MYO5A: variants seen among roughly 807,000 people sequenced by gnomAD.
The protein encoded by MYO5A is unconventional myosin-Va.
Under a neutral mutation model 249.7 loss-of-function variants are expected in MYO5A, and 98 were observed. The ratio of observed to expected loss-of-function variants is 0.39; its 90% confidence interval spans 0.33 to 0.46. The LOEUF is 0.46. Ranked by LOEUF, MYO5A falls within the 20% of genes least tolerant of loss-of-function variation. The probability of loss-of-function intolerance (pLI) is 0.98; values close to 1 mark genes in which losing one functional copy is unlikely to be tolerated. For synonymous variants in MYO5A, 778 were observed against 810.6 expected, an observed-to-expected ratio of 0.96 and a Z score of 0.68; for missense variants, 1,696 against 2,308.8, an observed-to-expected ratio of 0.73 and a Z score of 5.44.
chr15:52,364,827 A>G (rs1168946264), intron 23 of MYO5A, 125 bp from the exon 24 acceptor site: 2 of 1,072,272 alleles, frequency 1.9e-6, no homozygotes, highest in Non-Finnish European at 2.7e-6. Context: ...GTGATCCATG[A>G]AGAGTGTCTT....
intron 29 of MYO5A, among the ~76,000 whole-genome samples, 199 bp downstream of exon 29, chr15:52,348,619 G>C (rs1229930440): frequency 6.6e-6 from 1 of 152,174 alleles, no homozygotes; most frequent in Non-Finnish European, 1.5e-5. Context: ...CTATAATCTA[G>C]ACTGGAGCCT....
At position 52,340,342 on chromosome 15, in the gene MYO5A, C is replaced by G. The variant is rs377031001; in HGVS notation, c.4093G>C (p.Glu1365Gln). The change falls in exon 32 of 42, where the codon GAG (glutamate) becomes CAG (glutamine). Residue 1365 changes from glutamate (E) to glutamine (Q), a missense_variant. Physicochemically the swap from Glu to Gln is conservative, Grantham distance 29. Coordinates refer to ENST00000399233, the MANE Select transcript of MYO5A (RefSeq NM_001382347.1). ...SQKRSHENEA[E>Q]ALRGEIQSLK... The stretch of plus-strand genomic sequence containing the variant: ...CTCTGGATCTCCCCACGGAGGGCCT[C>G]GGCCTCATTCTCATGGCTCCTCTTC... 8.7e-6 allele frequency: 14 copies of G among 1,613,872 alleles called. No homozygotes were observed. The highest frequency in any genetic ancestry group is 1.0e-5 in the Non-Finnish European group (12 of 1,180,032).
intron 4 of MYO5A, among the ~76,000 whole-genome samples, chr15:52,417,148 A>C (rs1015160253): frequency 1.3e-5 from 2 of 152,222 alleles, no homozygotes; most frequent in Non-Finnish European, 2.9e-5. Context: ...AGAAGATATC[A>C]AGCATTAAAT....
At chr15:52,315,507 T>C (rs1158433955) in intron 40 of MYO5A, among the ~76,000 whole-genome samples, 1 of 151,966 alleles carries the variant, frequency 6.6e-6, no homozygotes, top group Admixed American at 6.6e-5. Context: ...CCCAAGTAGC[T>C]GGGATTACAG....
At chr15:52,352,244 C>T (rs1464699000) in intron 27 of MYO5A, among the ~76,000 whole-genome samples, 1 of 152,196 alleles carries the variant, frequency 6.6e-6, no homozygotes, top group Non-Finnish European at 1.5e-5. Context: ...TCTGTTCAAA[C>T]AATGGCAACA....
At chr15:52,497,424 G>GGTAA (rs2077059884) in intron 1 of MYO5A, among the ~76,000 whole-genome samples, 1 of 147,344 alleles carries the variant, frequency 6.8e-6, no homozygotes, top group Admixed American at 6.8e-5. Context: ...TAAATAAATA[G>GGTAA]ATAAATAAAT....
chr15:52,428,278 T>A (rs1202965940), intron 3 of MYO5A, 120 bp downstream of exon 3: 2 of 1,014,994 alleles, frequency 2.0e-6, no homozygotes, highest in Non-Finnish European at 3.1e-6. Context: ...AACGCTCAAG[T>A]GATTTTGTCT....
intron 4 of MYO5A, among the ~76,000 whole-genome samples, chr15:52,419,622 C>T (rs1007081875): frequency 2.0e-5 from 3 of 152,076 alleles, no homozygotes; most frequent in Non-Finnish European, 4.4e-5. Context: ...CACTGTTGAA[C>T]GCTTTAGAGA....
chr15:52,392,082 A>C lies in MYO5A; in HGVS notation c.1402-12T>G. Reference sequence around the variant, plus strand: ...AATTTGAAGACATGCTGAAATGAAAAAGAAAAAAAGCAGTCATTACTGGAT... The same window carrying C: ...AATTTGAAGACATGCTGAAATGAAACAGAAAAAAAGCAGTCATTACTGGAT... On this transcript the variant is annotated splice_polypyrimidine_tract_variant and intron_variant, in intron 11 of 41. Transcript: ENST00000399233. 1 of 1,607,064 alleles carries C rather than the reference A, an allele frequency of 6.2e-7. No homozygotes were observed. Among genetic ancestry groups the C allele is most frequent in the South Asian group, 1.1e-5 (1 of 90,968 alleles).
At chr15:52,515,606 A>G (rs565773793) in intron 1 of MYO5A, among the ~76,000 whole-genome samples, 13 of 152,364 alleles carry the variant, frequency 8.5e-5, no homozygotes, top group African/African-American at 3.1e-4. Context: ...AGATGTAGAA[A>G]CTAAGACACA....
At chr15:52,514,335 C>A (rs1185886882) in intron 1 of MYO5A, among the ~76,000 whole-genome samples, 1 of 152,138 alleles carries the variant, frequency 6.6e-6, no homozygotes, top group Non-Finnish European at 1.5e-5. Context: ...GAGATGTTTT[C>A]CCTGTCTTTA....
rs376188977 is a variant in MYO5A, at chr15:52,313,819, G to A, written c.5520C>T (p.Pro1840=). Residue 1840 remains proline (P), a synonymous_variant, in exon 42 of 42, where the codon CCC becomes CCT. Transcript: ENST00000399233. ...TGTGTTTAGCATCCATGAGCAGCTG[G>A]GGAGAGTCTTTCCTGTCTCGTAAAC... The part of the protein sequence containing the change: ...QMRLRDRKDS[P]QLLMDAKHIF... 2.5e-5 allele frequency: 41 copies of A among 1,614,010 alleles called. 1 individual carries two copies. Among genetic ancestry groups the A allele is most frequent in the African/African-American group, 2.0e-4 (15 of 75,012 alleles).
At chr15:52,485,927 G>A (rs1484612606) in intron 1 of MYO5A, among the ~76,000 whole-genome samples, 1 of 152,158 alleles carries the variant, frequency 6.6e-6, no homozygotes, top group African/African-American at 2.4e-5. Flanking sequence ...TCAAGAGCCT[G>A]GCATTAAGCA....
Position 52,458,234 on chromosome 15 carries a change from T to C in MYO5A, c.28-24949A>G, listed in dbSNP as rs947583244. ...TAGCTAACGACAATGTATTATGTAT[T>C]TCAAAACAGCTAGAAGAAGAAGATT... On this transcript the variant is annotated intron_variant, in intron 1 of 41. Transcript: ENST00000399233. Among the ~76,000 whole-genome samples, 3 of 152,290 alleles carry C rather than the reference T, an allele frequency of 2.0e-5. No homozygotes were observed. The East Asian group carries it at 5.8e-4, about 29-fold the overall frequency.
intron 30 of MYO5A, among the ~76,000 whole-genome samples, chr15:52,344,843 T>G (rs2039543850): frequency 6.6e-6 from 1 of 152,202 alleles, no homozygotes; most frequent in South Asian, 2.1e-4. Context: ...GTATTCCCAG[T>G]ATGTGGCACA....
intron 4 of MYO5A, among the ~76,000 whole-genome samples, chr15:52,422,008 A>C (rs950302487): frequency 1.3e-5 from 2 of 152,242 alleles, no homozygotes; most frequent in Non-Finnish European, 2.9e-5. Context: ...AGCCATCAAC[A>C]CTACCTGGTT....
intron 18 of MYO5A, among the ~76,000 whole-genome samples, chr15:52,377,623 T>C (rs1451275303): frequency 1.4e-5 from 2 of 146,916 alleles, no homozygotes; most frequent in African/African-American, 2.5e-5. Context: ...CAAGCTGGAG[T>C]ACAGTGCTGT....
intron 18 of MYO5A, among the ~76,000 whole-genome samples, chr15:52,379,181 G>A (rs925745099): frequency 3.9e-5 from 6 of 151,970 alleles, no homozygotes; most frequent in South Asian, 2.1e-4. Context: ...GCTGGACGTC[G>A]CTTTGTCATC....
intron 1 of MYO5A, among the ~76,000 whole-genome samples, chr15:52,514,982 A>G (rs188557028): frequency 6.6e-6 from 1 of 152,334 alleles, no homozygotes; most frequent in Non-Finnish European, 1.5e-5. Context: ...GAACCAGGAA[A>G]GAATAAGGGA....
Sources: gnomAD v4.1 joint callset for allele counts (sites outside exome capture counted in the v4.1 genomes callset) on GRCh38, gnomAD v4.1.1 for gene constraint, MANE v1.5 for transcripts, NCBI Gene and HGNC (gene_info 2026-07-23, HGNC 2026-07-21) for gene names.